Variants in TAOK1 observed in about 807,000 individuals in gnomAD.
TAOK1 encodes TAO kinase 1, also known as serine/threonine-protein kinase TAO1.
TAOK1 carries 21 observed loss-of-function variants against 138.3 expected under a neutral mutation model. That is an observed-to-expected ratio of 0.15 (90% CI 0.11 to 0.22). The LOEUF (loss-of-function observed/expected upper bound fraction) is 0.22, where lower values mean the gene tolerates loss of function less well. TAOK1 is among the 10% of genes least tolerant of loss of function. The pLI, the probability that TAOK1 is intolerant of heterozygous loss-of-function variation, is 1.00. For synonymous variants in TAOK1, 361 were observed against 398.4 expected, an observed-to-expected ratio of 0.91 and a Z score of 1.12; for missense variants, 651 against 1,227.7, an observed-to-expected ratio of 0.53 and a Z score of 7.02.
intron 6 of TAOK1, among the ~76,000 whole-genome samples, chr17:29,478,752 A>G (rs1028340205): frequency 2.6e-5 from 4 of 152,310 alleles, no homozygotes; most frequent in Non-Finnish European, 5.9e-5. Context: ...AGCTAGAACT[A>G]AATCTAGATC....
intron 1 of TAOK1, among the ~76,000 whole-genome samples, chr17:29,427,653 G>A (rs372861269): frequency 5.9e-5 from 9 of 152,002 alleles, no homozygotes; most frequent in East Asian, 1.9e-4. Flanking sequence ...TTGGCCAGGC[G>A]TAGTGGCTCA....
chr17:29,509,315 G>A (rs1245945400), intron 14 of TAOK1, among the ~76,000 whole-genome samples: 1 of 151,930 alleles, frequency 6.6e-6, no homozygotes, highest in Non-Finnish European at 1.5e-5. Context: ...GACTACAGGT[G>A]CATCTACCAT....
chr17:29,455,518 G>A (rs942926374), intron 2 of TAOK1, among the ~76,000 whole-genome samples: 2 of 150,580 alleles, frequency 1.3e-5, no homozygotes, highest in African/African-American at 5.0e-5. Flanking sequence ...TTGAACAGCC[G>A]TGGTGAAAGT....
chr17:29,420,411 C>T (rs1905393675), intron 1 of TAOK1, among the ~76,000 whole-genome samples: 1 of 151,898 alleles, frequency 6.6e-6, no homozygotes, highest in African/African-American at 2.4e-5. Flanking sequence ...ATTTTGTGGA[C>T]TGGGATTTTC....
intron 1 of TAOK1, among the ~76,000 whole-genome samples, chr17:29,425,421 G>A (rs531191819): frequency 1.2e-4 from 18 of 151,214 alleles, no homozygotes; most frequent in African/African-American, 4.1e-4. Context: ...GCTCCTGCCT[G>A]TAATCCCAGC....
intron 19 of TAOK1, among the ~76,000 whole-genome samples, chr17:29,539,379 A>C (rs1169824774): frequency 6.6e-6 from 1 of 152,166 alleles, no homozygotes; most frequent in African/African-American, 2.4e-5. Context: ...CCTCCTCTCT[A>C]CCAAAAATAC....
intron 11 of TAOK1, among the ~76,000 whole-genome samples, chr17:29,497,714 C>CAAAAAAAAAAAAAAAAAAA (rs373537264): frequency 9.9e-6 from 1 of 100,724 alleles, no homozygotes; most frequent in African/African-American, 3.8e-5. Context: ...TATTGAAATA[C>CAAAAAAAAAAAAAAAAAAA]AAAAAAAAAA....
At chr17:29,481,921 C>CT in intron 7 of TAOK1, among the ~76,000 whole-genome samples, 1 of 152,240 alleles carries the variant, frequency 6.6e-6, no homozygotes, top group Admixed American at 6.5e-5. Context: ...GATTGCGCCA[C>CT]TGCACTCCAG....
At chr17:29,451,937 C>T (rs2030249631) in intron 2 of TAOK1, among the ~76,000 whole-genome samples, 1 of 152,048 alleles carries the variant, frequency 6.6e-6, no homozygotes, top group Non-Finnish European at 1.5e-5. Context: ...TTTTGTGGGC[C>T]AGGCTTGGTG....
At chr17:29,423,807 G>T (rs777252466) in intron 1 of TAOK1, among the ~76,000 whole-genome samples, 7 of 151,892 alleles carry the variant, frequency 4.6e-5, no homozygotes, top group African/African-American at 7.3e-5. Context: ...CAGCACTTTG[G>T]GGGGCAGAAG....
chr17:29,485,314 A>G (rs984126683), intron 8 of TAOK1, among the ~76,000 whole-genome samples: 4 of 152,212 alleles, frequency 2.6e-5, no homozygotes, highest in Admixed American at 1.3e-4. Context: ...AGAAATACAA[A>G]AGGAGCGAAA....
Position 29,550,571 on chromosome 17 carries a change from C to T in TAOK1, c.*7549C>T, listed in dbSNP as rs796467111. ...ATGTATAGTGTATATTTTAAAACAG[C>T]TTTGCTTGTATTGTGAAGATTTAAA... On this transcript the variant is annotated 3_prime_UTR_variant, in exon 20 of 20. Transcript: ENST00000261716. 11 of 152,236 alleles carry T rather than the reference C, an allele frequency of 7.2e-5. No individual in the cohort carries two copies. In the South Asian group the frequency reaches 8.3e-4, roughly 11 times the overall value. The allele number at this position is 152,236 out of a possible 1,614,324, so 9.4% of individuals were successfully genotyped here. A position where few individuals can be genotyped will look rare whatever the true frequency, so the allele number is the denominator to read the frequency against.
chr17:29,441,824 G>A (rs760268308), intron 1 of TAOK1, among the ~76,000 whole-genome samples: 9 of 152,048 alleles, frequency 5.9e-5, no homozygotes, highest in Non-Finnish European at 1.3e-4. Flanking sequence ...CTTGAACCCA[G>A]GAGGCGGAGG....
chr17:29,500,660 G>A (rs12947124), intron 12 of TAOK1, among the ~76,000 whole-genome samples: 55,276 of 151,144 alleles, frequency 0.37, 11,644 homozygotes, highest in Non-Finnish European at 0.48. Flanking sequence ...AGAATCGCTT[G>A]AACCCAGGAG....
rs2032404193 is a variant in TAOK1, at chr17:29,546,399, T to C, written c.*3377T>C. The C allele has an allele frequency of 6.6e-6, 1 of 152,124 alleles. No homozygotes were observed. Among genetic ancestry groups the C allele is most frequent in the African/African-American group, 2.4e-5 (1 of 41,456 alleles). 9.4% of individuals were successfully genotyped at this position (152,124 alleles called of 1,614,324 possible). ...TTTTTTCTCACCCCCTTTTCAAAAA[T>C]TGAAAACTCTATGAGTGTCTTTTTG... is the stretch of plus-strand genomic sequence containing the variant. On this transcript the variant is annotated 3_prime_UTR_variant, in exon 20 of 20. Coordinates refer to ENST00000261716, the MANE Select transcript of TAOK1 (RefSeq NM_020791.4).
intron 6 of TAOK1, 96 bp from the exon 7 acceptor site, chr17:29,480,272 C>T (rs1259414705): frequency 2.5e-6 from 2 of 812,144 alleles, no homozygotes; most frequent in Non-Finnish European, 3.6e-6. Flanking sequence ...TTTGATTTCT[C>T]TTTCTCTATC....
At chr17:29,438,032 G>A (rs1236253730) in intron 1 of TAOK1, among the ~76,000 whole-genome samples, 1 of 151,952 alleles carries the variant, frequency 6.6e-6, no homozygotes, top group Non-Finnish European at 1.5e-5. Flanking sequence ...GTGCCCGGCC[G>A]TAACTGCCTT....
At chr17:29,536,380 G>A (rs577391671) in intron 19 of TAOK1, among the ~76,000 whole-genome samples, 3 of 151,938 alleles carry the variant, frequency 2.0e-5, no homozygotes, top group East Asian at 2.0e-4. Flanking sequence ...GGCGGATCAC[G>A]AGGTCAGGGG....
chr17:29,459,508 A>C (rs1345008241), intron 2 of TAOK1, among the ~76,000 whole-genome samples: 2 of 151,796 alleles, frequency 1.3e-5, no homozygotes, highest in Non-Finnish European at 2.9e-5. Context: ...GCTGGTCTCG[A>C]ACTCCTGACC....
Sources: gnomAD v4.1 joint callset for allele counts (sites outside exome capture counted in the v4.1 genomes callset) on GRCh38, gnomAD v4.1.1 for gene constraint, MANE v1.5 for transcripts, NCBI Gene and HGNC (gene_info 2026-07-23, HGNC 2026-07-21) for gene names.